Variants in CNTNAP5 observed in about 807,000 individuals in gnomAD.
CNTNAP5 encodes contactin-associated protein-like 5.
A neutral mutation model predicts 150.2 loss-of-function variants in CNTNAP5; 72 were observed. That is an observed-to-expected ratio of 0.48 (90% CI 0.40 to 0.58). The LOEUF is 0.58. CNTNAP5 is among the 20% of genes least tolerant of loss of function. The pLI, the probability that CNTNAP5 is intolerant of heterozygous loss-of-function variation, is 0.00. For synonymous variants in CNTNAP5, 672 were observed against 619.8 expected, an observed-to-expected ratio of 1.08 and a Z score of -1.25; for missense variants, 1,636 against 1,626.2, an observed-to-expected ratio of 1.01 and a Z score of -0.10.
At chr2:124,204,126 G>C (rs1314538595) in intron 1 of CNTNAP5, among the ~76,000 whole-genome samples, 1 of 152,106 alleles carries the variant, frequency 6.6e-6, no homozygotes, top group Non-Finnish European at 1.5e-5. Flanking sequence ...GTCATGTCTT[G>C]AAGGCTTTGC....
At chr2:124,599,426 T>A (rs1213588114) in intron 11 of CNTNAP5, among the ~76,000 whole-genome samples, 1 of 152,122 alleles carries the variant, frequency 6.6e-6, no homozygotes, top group Non-Finnish European at 1.5e-5. Flanking sequence ...CCCTTGGCCA[T>A]TATGTAATTT....
intron 6 of CNTNAP5, among the ~76,000 whole-genome samples, chr2:124,458,874 A>C (rs1693183108): frequency 6.6e-6 from 1 of 152,182 alleles, no homozygotes; most frequent in Non-Finnish European, 1.5e-5. Context: ...ATGCTAAAAT[A>C]TTTTCAACTT....
intron 21 of CNTNAP5, among the ~76,000 whole-genome samples, chr2:124,887,860 G>GA (rs373077331): frequency 5.9e-5 from 9 of 152,248 alleles, no homozygotes; most frequent in African/African-American, 2.2e-4. Context: ...TCCAAGACCT[G>GA]AAAAGCCAGG....
intron 3 of CNTNAP5, among the ~76,000 whole-genome samples, chr2:124,360,278 T>A (rs1455753095): frequency 6.8e-6 from 1 of 147,362 alleles, no homozygotes; most frequent in Non-Finnish European, 1.5e-5. Context: ...CCAGTCTGTG[T>A]CTTTTAATTG....
At chr2:124,706,752 GA>G (rs1679648408) in intron 13 of CNTNAP5, among the ~76,000 whole-genome samples, 1 of 19,336 alleles carries the variant, frequency 5.2e-5, no homozygotes, top group African/African-American at 2.5e-4. Context: ...GTTTCAAGAA[GA>G]AGAAGAAGAA....
intron 12 of CNTNAP5, among the ~76,000 whole-genome samples, chr2:124,619,747 C>T (rs991145785): frequency 2.7e-5 from 4 of 150,896 alleles, no homozygotes; most frequent in Non-Finnish European, 5.9e-5. Context: ...CTTCCTGGGT[C>T]TCTTGTCTGC....
chr2:124,445,815 T>C (rs1320744099), intron 5 of CNTNAP5, among the ~76,000 whole-genome samples: 1 of 152,190 alleles, frequency 6.6e-6, no homozygotes, highest in East Asian at 1.9e-4. Flanking sequence ...AAATTGAAAA[T>C]GTATATATAC....
chr2:124,146,890 C>T (rs1357947959), intron 1 of CNTNAP5, among the ~76,000 whole-genome samples: 2 of 152,066 alleles, frequency 1.3e-5, no homozygotes, highest in East Asian at 3.9e-4. Flanking sequence ...CTCTTATGGC[C>T]AGACACTCTT....
chr2:124,564,668 ATAATTG>A (rs2104932220), intron 11 of CNTNAP5, among the ~76,000 whole-genome samples: 1 of 152,236 alleles, frequency 6.6e-6, no homozygotes, highest in Non-Finnish European at 1.5e-5. Context: ...CCTGATTTTT[ATAATTG>A]TATAGTCTTA....
In CNTNAP5 at chr2:124,609,886, A is replaced by G. The variant is rs1470840706; in HGVS notation, c.1842A>G (p.Pro614=). The G allele has an allele frequency of 3.7e-6, 6 of 1,613,842 alleles. No homozygotes were observed. Among genetic ancestry groups the G allele is most frequent in the African/African-American group, 1.3e-5 (1 of 74,910 alleles). ...ACATCGACTCAGATGGCAGCGGCCC[A>G]CTGGGACCTCTCCAGGTGTACTGCA... ...FFYIDSDGSG[P]LGPLQVYCNI... The change falls in exon 12 of 24, where the codon CCA becomes CCG. Residue 614 remains proline, a synonymous_variant. Transcript: ENST00000682447.
At chr2:124,733,954 C>G (rs879770051) in intron 13 of CNTNAP5, among the ~76,000 whole-genome samples, 2 of 152,010 alleles carry the variant, frequency 1.3e-5, no homozygotes, top group Non-Finnish European at 2.9e-5. Context: ...TTAAACTTCT[C>G]AACCTAAGGC....
At chr2:124,799,240 T>C (rs1380662195) in intron 19 of CNTNAP5, among the ~76,000 whole-genome samples, 1 of 152,064 alleles carries the variant, frequency 6.6e-6, no homozygotes, top group Non-Finnish European at 1.5e-5. Context: ...ATACGAGAAG[T>C]TGAGAGTGAT....
At chr2:124,527,224 T>C (rs1032373933) in intron 9 of CNTNAP5, 61 bp from the exon 10 acceptor site, 1 of 1,476,426 alleles carries the variant, frequency 6.8e-7, no homozygotes, top group Admixed American at 1.8e-5. Flanking sequence ...CATCAATAGG[T>C]CGCCAAAGCA....
At chr2:124,883,270 C>T (rs779812582) in intron 21 of CNTNAP5, among the ~76,000 whole-genome samples, 3 of 151,812 alleles carry the variant, frequency 2.0e-5, no homozygotes, top group South Asian at 2.1e-4. Flanking sequence ...CCATGTTGCC[C>T]GGGCTGGTCT....
At chr2:124,355,873 G>A (rs1216064592) in intron 3 of CNTNAP5, among the ~76,000 whole-genome samples, 1 of 152,170 alleles carries the variant, frequency 6.6e-6, no homozygotes, top group African/African-American at 2.4e-5. Flanking sequence ...GACTGACCCT[G>A]TGAGCTCTGC....
rs993259191 is a variant in CNTNAP5 at position 124,920,990 on chromosome 2, T to C, written c.*6702T>C. The stretch of plus-strand genomic sequence containing the variant: ...AATGCTGGAGTCTACCTTTTCCTTT[T>C]TATCTTCTGATTTTTGTTCCTAAAA... On this transcript the variant is annotated 3_prime_UTR_variant, in exon 24 of 24. Transcript: ENST00000682447. 3.9e-5 allele frequency among the ~76,000 whole-genome samples: 6 copies of C among 152,146 alleles called. No homozygotes were observed. The highest frequency in any genetic ancestry group is 1.4e-4 in the African/African-American group (6 of 41,442).
intron 6 of CNTNAP5, among the ~76,000 whole-genome samples, chr2:124,465,312 C>A (rs1169221654): frequency 1.3e-5 from 2 of 152,072 alleles, no homozygotes; most frequent in South Asian, 2.1e-4. Context: ...TTGTCCAAGA[C>A]ATTGAGACTG....
chr2:124,836,324 G>C (rs1030708611), intron 19 of CNTNAP5, among the ~76,000 whole-genome samples: 9 of 152,062 alleles, frequency 5.9e-5, no homozygotes, highest in South Asian at 4.1e-4. Flanking sequence ...TAATATGTTA[G>C]GACAGATATT....
At chr2:124,317,667 C>T (rs1306680477) in intron 3 of CNTNAP5, among the ~76,000 whole-genome samples, 1 of 151,966 alleles carries the variant, frequency 6.6e-6, no homozygotes, top group East Asian at 1.9e-4. Context: ...AGAGAAGTTA[C>T]TAATAGGCAA....
Sources: allele counts gnomAD v4.1 joint callset (sites outside exome capture counted in the v4.1 genomes callset), GRCh38; gene constraint gnomAD v4.1.1; transcripts MANE v1.5; gene names NCBI Gene and HGNC (gene_info 2026-07-23, HGNC 2026-07-21).